The following MDM1 variants were observed in gnomAD, a reference collection of about 807,000 sequenced individuals.
MDM1 encodes stabilizer of axonemal microtubules 6, also known as Mdm1 nuclear protein.
MDM1 carries 61 observed loss-of-function variants against 89.1 expected under a neutral mutation model. The ratio of observed to expected loss-of-function variants is 0.68; its 90% CI spans 0.56 to 0.85. The LOEUF is 0.85. Ranked by LOEUF, MDM1 falls within the 40% of genes least tolerant of loss-of-function variation. The pLI, the probability that MDM1 is intolerant of heterozygous loss-of-function variation, is 0.00. For synonymous variants in MDM1, 290 were observed against 294.1 expected, an observed-to-expected ratio of 0.99 and a Z score of 0.14; for missense variants, 820 against 846.5, an observed-to-expected ratio of 0.97 and a Z score of 0.39.
rs1872242242 is a variant in MDM1 at position 68,302,092 on chromosome 12, TCA to T, written c.2002+526_2002+527del. Among the ~76,000 whole-genome samples the T allele has an allele frequency of 1.3e-5, 2 of 152,132 alleles. 1 individual carries two copies. Among genetic ancestry groups the T allele is most frequent in the South Asian group, 4.1e-4 (2 of 4,828 alleles). ...AATGAATAAAAAAAATAATACTCTC[TCA>T]GAGGCACATCATAAAATTTCAGAAC... On this transcript the variant is annotated intron_variant, in intron 13 of 14. Coordinates refer to ENST00000682720, the MANE Select transcript of MDM1 (RefSeq NM_001354969.2).
intron 12 of MDM1, among the ~76,000 whole-genome samples, chr12:68,304,552 A>G (rs1298242712): frequency 6.6e-6 from 1 of 152,248 alleles, no homozygotes; most frequent in Non-Finnish European, 1.5e-5. Context: ...AGTATCACTT[A>G]GTACAATACA....
rs78284830 is a variant in MDM1 at position 68,299,618 on chromosome 12, C to T, written c.2003-2636G>A. On this transcript the variant is annotated intron_variant, in intron 13 of 14. Transcript: ENST00000682720. The stretch of plus-strand genomic sequence containing the variant: ...CTCAAAGACAAGGCTTTCGAATTAA[C>T]CCAATCAAACAAAAATAAAGAAAAA... Among the ~76,000 whole-genome samples, 403 of 151,944 alleles carry T rather than the reference C, an allele frequency of 2.7e-3. 2 individuals are homozygous for T. Among genetic ancestry groups the T allele is most frequent in the Non-Finnish European group, 4.7e-3 (317 of 67,968 alleles).
intron 12 of MDM1, among the ~76,000 whole-genome samples, chr12:68,308,509 G>A (rs560411036): frequency 5.9e-5 from 9 of 152,278 alleles, no homozygotes; most frequent in South Asian, 2.1e-4. Context: ...CAGCTAAAAC[G>A]TCATCTCCTT....
At chr12:68,298,391 G>A (rs1163347333) in intron 13 of MDM1, among the ~76,000 whole-genome samples, 3 of 152,168 alleles carry the variant, frequency 2.0e-5, no homozygotes, top group Non-Finnish European at 4.4e-5. Context: ...TGCAGTGCTA[G>A]GCTCAGCAGG....
At chr12:68,313,966 T>C (rs1874088213) in intron 10 of MDM1, among the ~76,000 whole-genome samples, 1 of 151,908 alleles carries the variant, frequency 6.6e-6, no homozygotes, top group Admixed American at 6.6e-5. Context: ...ACCCCATCTC[T>C]ACTAAAAACA....
At chr12:68,318,133 C>T (rs74100605) in intron 7 of MDM1, among the ~76,000 whole-genome samples, 105 of 152,300 alleles carry the variant, frequency 6.9e-4, no homozygotes, top group African/African-American at 2.5e-3. Flanking sequence ...ACTCCCTGCA[C>T]TCAGTGAGCC....
chr12:68,309,702 A>G (rs1242213865), intron 12 of MDM1, among the ~76,000 whole-genome samples: 1 of 152,248 alleles, frequency 6.6e-6, no homozygotes, highest in Non-Finnish European at 1.5e-5. Flanking sequence ...TTTATTGGAA[A>G]TTGAATGACC....
At chr12:68,305,085 G>A (rs931749150) in intron 12 of MDM1, among the ~76,000 whole-genome samples, 11 of 152,064 alleles carry the variant, frequency 7.2e-5, no homozygotes, top group East Asian at 3.8e-4. Flanking sequence ...TACTGGTTTC[G>A]TAGAATGTGT....
chr12:68,297,623 A>C (rs554558736), intron 13 of MDM1, among the ~76,000 whole-genome samples: 1 of 152,296 alleles, frequency 6.6e-6, no homozygotes, highest in African/African-American at 2.4e-5. Flanking sequence ...GTCCTCCTTT[A>C]AATTTGCACA....
chr12:68,296,046 T>C lies in MDM1; in HGVS notation c.2063-680A>G, dbSNP rs1350039512. On this transcript the variant is annotated intron_variant, in intron 14 of 14. Transcript: ENST00000682720. ...ACCTGCTAAACGGAAAGAAAGTCTT[T>C]AATGTATGATACAGAGTATGAAATT... 2.0e-5 allele frequency among the ~76,000 whole-genome samples: 3 copies of C among 150,260 alleles called. No individual in the cohort carries two copies. In the East Asian group the frequency reaches 5.8e-4, roughly 29 times the overall value.
At chr12:68,304,011 C>T (rs1872561310) in intron 12 of MDM1, among the ~76,000 whole-genome samples, 1 of 151,960 alleles carries the variant, frequency 6.6e-6, no homozygotes, top group South Asian at 2.1e-4. Context: ...ACTTGGGTGG[C>T]CAAGGCACAA....
At chr12:68,323,682 A>C (rs373935931) in intron 4 of MDM1, among the ~76,000 whole-genome samples, 36 of 152,286 alleles carry the variant, frequency 2.4e-4, no homozygotes, top group African/African-American at 8.4e-4. Context: ...AAGGCAAAGA[A>C]AATGTTCTGA....
chr12:68,300,628 T>C (rs1490199895), intron 13 of MDM1, among the ~76,000 whole-genome samples: 4 of 152,196 alleles, frequency 2.6e-5, no homozygotes, highest in Admixed American at 2.6e-4. Flanking sequence ...CCTACATTTA[T>C]ATGCACCTAA....
intron 2 of MDM1, chr12:68,330,843 T>G (rs1876691448): frequency 2.5e-6 from 1 of 406,440 alleles, no homozygotes; most frequent in East Asian, 4.0e-5. Context: ...ACTTAACCGC[T>G]CAGTCAGTAC....
At chr12:68,304,357 T>C (rs548065155) in intron 12 of MDM1, among the ~76,000 whole-genome samples, 13 of 152,254 alleles carry the variant, frequency 8.5e-5, no homozygotes, top group Non-Finnish European at 1.6e-4. Context: ...CCTTCACTTA[T>C]TATCTTTGAT....
rs774676679 is a variant in MDM1 at position 68,315,233 on chromosome 12, C to A, written c.1244G>T (p.Cys415Phe). Residue 415 changes from cysteine to phenylalanine, a missense_variant, in exon 10 of 15, where the codon TGT becomes TTT. Coordinates refer to ENST00000682720, the MANE Select transcript of MDM1 (RefSeq NM_001354969.2). Reference protein sequence around the residue: ...DPTSHKTLQKCPSTEPEEKGN... With the variant: ...DPTSHKTLQKFPSTEPEEKGN... ...TTTTTCTTCTGGTTCTGTAGAAGGA[C>A]ATTTCTGCAAAGTCTTATGGCTTGT... 2 of 1,614,110 alleles carry A rather than the reference C, an allele frequency of 1.2e-6. No homozygotes were observed. The highest frequency in any genetic ancestry group is 1.1e-5 in the South Asian group (1 of 91,082).
In MDM1 at chr12:68,329,782, C is replaced by A. The variant is rs537687519; in HGVS notation, c.133+1325G>T. ...AATAAGCAGGTATAATGAGGTCAGT[C>A]TGTCTCCCTTCTGTTCTATCACCCT... is the stretch of plus-strand genomic sequence containing the variant. On this transcript the variant is annotated intron_variant, in intron 2 of 14. Transcript: ENST00000682720. Among the ~76,000 whole-genome samples the A allele has an allele frequency of 3.3e-5, 5 of 152,308 alleles. No homozygotes were observed. In the South Asian group the frequency reaches 1.0e-3, roughly 32 times the overall value.
At chr12:68,319,379 T>C (rs1269328506) in intron 7 of MDM1, among the ~76,000 whole-genome samples, 3 of 152,144 alleles carry the variant, frequency 2.0e-5, no homozygotes, top group East Asian at 3.9e-4. Flanking sequence ...GAAATAAAGA[T>C]GATATATGGA....
In MDM1 at chr12:68,295,266, C is replaced by T; in HGVS notation, c.2163G>A (p.Trp721Ter). 2 of 1,610,560 alleles carry T rather than the reference C, an allele frequency of 1.2e-6. No individual in the cohort carries two copies. The highest frequency in any genetic ancestry group is 1.7e-4 in the Middle Eastern group (1 of 6,046). ...ARAKKRKENF[W>*]GKT ...AACTCAGCTAGGTTTATGTTTTACC[C>T]CAGAAATTCTCCTTCCTTTTCTTAG... is the stretch of plus-strand genomic sequence containing the variant. Residue 721 changes from tryptophan to a stop codon, truncating the protein, a stop_gained, in exon 15 of 15, where the codon TGG (tryptophan) becomes TGA (stop). Coordinates refer to ENST00000682720, the MANE Select transcript of MDM1 (RefSeq NM_001354969.2). LOFTEE classifies it high-confidence loss of function.
Sources: gnomAD v4.1 joint callset for allele counts (sites outside exome capture counted in the v4.1 genomes callset) on GRCh38, gnomAD v4.1.1 for gene constraint, MANE v1.5 for transcripts, NCBI Gene and HGNC (gene_info 2026-07-23, HGNC 2026-07-21) for gene names.